PARVB: variants seen among roughly 807,000 people sequenced by gnomAD.
The protein encoded by PARVB is beta-parvin.
A neutral mutation model predicts 47.0 loss-of-function variants in PARVB; 46 were observed. The ratio of observed to expected loss-of-function variants is 0.98; its 90% confidence interval spans 0.77 to 1.25. PARVB has a LOEUF of 1.25. PARVB is among the 50% of genes most tolerant of loss of function. The pLI is 0.00. For synonymous variants in PARVB, 196 were observed against 196.3 expected (o/e 1.00, Z 0.01); for missense variants, 473 against 471.6 (o/e 1.00, Z -0.03).
At chr22:44,090,223 A>G (rs934118992) in intron 1 of PARVB, among the ~76,000 whole-genome samples, 1 of 152,228 alleles carries the variant, frequency 6.6e-6, no homozygotes, top group African/African-American at 2.4e-5. Flanking sequence ...AACAAGTGGC[A>G]ATGCGAGATT....
intron 2 of PARVB, among the ~76,000 whole-genome samples, chr22:44,016,970 G>A (rs975265789): frequency 1.2e-4 from 18 of 152,102 alleles, no homozygotes; most frequent in African/African-American, 3.9e-4. Flanking sequence ...CTGCCTCCTG[G>A]GTTCAAGTGA....
At chr22:44,014,771 C>T (rs1209156867) in intron 2 of PARVB, among the ~76,000 whole-genome samples, 1 of 152,128 alleles carries the variant, frequency 6.6e-6, no homozygotes, top group Non-Finnish European at 1.5e-5. Flanking sequence ...AGAAATACAA[C>T]TTAGTCCACA....
intron 1 of PARVB, among the ~76,000 whole-genome samples, chr22:44,040,821 G>GGGTT (rs2051005318): frequency 6.6e-6 from 1 of 151,682 alleles, no homozygotes; most frequent in Non-Finnish European, 1.5e-5. Context: ...CGAGACCACG[G>GGGTT]TGAAACCCCG....
intron 11 of PARVB, among the ~76,000 whole-genome samples, chr22:44,161,461 A>C (rs2054051827): frequency 6.6e-6 from 1 of 151,878 alleles, no homozygotes; most frequent in African/African-American, 2.4e-5. Flanking sequence ...TTACAGGCAC[A>C]TGCCACCATG....
At chr22:44,022,575 A>C (rs971008018), upstream of PARVB, among the ~76,000 whole-genome samples, 3 of 151,902 alleles carry the variant, frequency 2.0e-5, no homozygotes. Context: ...CATGTACTGC[A>C]CTGGGGGGAC....
In PARVB at chr22:44,170,785, G is replaced by A. The variant is rs2054260209; in HGVS notation, c.*2107G>A. 1.3e-5 allele frequency: 2 copies of A among 152,238 alleles called. No homozygotes were observed. Among genetic ancestry groups the A allele is most frequent in the African/African-American group, 4.8e-5 (2 of 41,452 alleles). 9.4% of individuals were successfully genotyped at this position (152,238 alleles called of 1,614,324 possible). On this transcript the variant is annotated 3_prime_UTR_variant, in exon 13 of 13. Coordinates refer to ENST00000338758, the MANE Select transcript of PARVB (RefSeq NM_013327.5). The stretch of plus-strand genomic sequence containing the variant: ...GGCATCTCTCAGCATTCTCCGTAGT[G>A]AGCCTGGCCTTTCTGATCTTGTTAG...
intron 1 of PARVB, chr22:44,081,599 G>A (rs796538854): frequency 2.0e-6 from 2 of 985,240 alleles, no homozygotes; most frequent in African/African-American, 1.7e-5. Context: ...GCTTCTGCAC[G>A]GCCGTTTCTG....
At chr22:44,071,000 G>A (rs540469490) in intron 1 of PARVB, among the ~76,000 whole-genome samples, 14 of 146,878 alleles carry the variant, frequency 9.5e-5, no homozygotes, top group South Asian at 2.1e-4. Flanking sequence ...GCCCCTGCCC[G>A]CCCGCCTTGG....
At chr22:44,096,249 T>G (rs2052305230) in intron 2 of PARVB, among the ~76,000 whole-genome samples, 2 of 151,898 alleles carry the variant, frequency 1.3e-5, no homozygotes, top group South Asian at 4.2e-4. Flanking sequence ...ATAAAATAAT[T>G]AGCCAGGCAT....
At chr22:44,000,210 G>A (rs1193744637) in intron 2 of PARVB, among the ~76,000 whole-genome samples, 1 of 152,238 alleles carries the variant, frequency 6.6e-6, no homozygotes, top group Non-Finnish European at 1.5e-5. Context: ...CTACCCCCAA[G>A]GTAAAGGCTA....
At chr22:44,133,086 C>T (rs771118951) in intron 6 of PARVB, 77 bp downstream of exon 6, 216 of 921,754 alleles carry the variant, frequency 2.3e-4, no homozygotes, top group Non-Finnish European at 3.4e-4. Flanking sequence ...TTTTCCTGCC[C>T]TCCCCCTCCT....
chr22:44,156,437 A>G lies in PARVB; in HGVS notation c.844-1545A>G, dbSNP rs534799742. Among the ~76,000 whole-genome samples the G allele has an allele frequency of 5.3e-5, 8 of 150,898 alleles. No individual in the cohort carries two copies. The South Asian group carries it at 1.5e-3, about 28-fold the overall frequency. On this transcript the variant is annotated intron_variant, in intron 10 of 12. Transcript: ENST00000338758. ...TGGGATTACAGGCATGCACCACCAC[A>G]CCCGCTAATTTTTGTATTTTTACTA... is the stretch of plus-strand genomic sequence containing the variant.
chr22:44,083,405 C>T (rs535896751), intron 1 of PARVB, among the ~76,000 whole-genome samples: 2 of 152,316 alleles, frequency 1.3e-5, no homozygotes, highest in South Asian at 4.1e-4. Flanking sequence ...CCCCTGTGCA[C>T]TCCTTGCGGG....
chr22:44,105,429 A>G (rs2052545789), intron 3 of PARVB: 1 of 152,228 alleles, frequency 6.6e-6, no homozygotes. Context: ...AGCTGTCTTC[A>G]ACACTTCTTT....
intron 1 of PARVB, among the ~76,000 whole-genome samples, chr22:44,054,986 A>G (rs1234454521): frequency 6.8e-5 from 5 of 73,146 alleles, no homozygotes; most frequent in Non-Finnish European, 1.2e-4. Context: ...GTGAAACTCC[A>G]TCTCAAAAAA....
At chr22:44,007,605 G>A (rs1221085203) in intron 2 of PARVB, among the ~76,000 whole-genome samples, 1 of 152,100 alleles carries the variant, frequency 6.6e-6, no homozygotes, top group East Asian at 1.9e-4. Flanking sequence ...CCCAAGGCAA[G>A]ACTTTGAATT....
chr22:44,023,537 CAAAATAAAAT>C (rs869277920), upstream of PARVB, among the ~76,000 whole-genome samples: 17,947 of 126,364 alleles, frequency 0.14, 1,442 homozygotes, highest in Admixed American at 0.18. Flanking sequence ...TAAAACAAAA[CAAAATAAAAT>C]AAAATAAAAT....
chr22:44,147,553 A>G, intron 8 of PARVB: 1 of 478,448 alleles, frequency 2.1e-6, no homozygotes, highest in Non-Finnish European at 4.0e-6. Flanking sequence ...AGGACGTGGC[A>G]GGTGCAGATG....
chr22:44,120,372 C>T (rs999492782), intron 4 of PARVB, among the ~76,000 whole-genome samples: 47 of 152,290 alleles, frequency 3.1e-4, no homozygotes, highest in African/African-American at 9.9e-4. Flanking sequence ...TCCCTCTCTC[C>T]GTTCTGTTCT....
Sources: gnomAD v4.1 joint callset for allele counts (sites outside exome capture counted in the v4.1 genomes callset) on GRCh38, gnomAD v4.1.1 for gene constraint, MANE v1.5 for transcripts, NCBI Gene and HGNC (gene_info 2026-07-23, HGNC 2026-07-21) for gene names.